The following FHOD3 variants were observed in gnomAD, a reference collection of about 807,000 sequenced individuals.
FHOD3 encodes FH1/FH2 domain-containing protein 3.
A neutral mutation model predicts 173.0 loss-of-function variants in FHOD3; 90 were observed. The ratio of observed to expected loss-of-function variants is 0.52; its 90% CI spans 0.44 to 0.62. FHOD3 has a LOEUF of 0.62. Among genes scored for constraint, FHOD3 ranks in the 20% least tolerant of loss-of-function variants. The pLI is 0.00. For missense variants in FHOD3, 1,945 were observed against 2,034.7 expected (o/e 0.96, Z 0.85); for synonymous variants, 828 against 823.0 (o/e 1.01, Z -0.10).
chr18:36,539,762 A>G (rs982248520), intron 5 of FHOD3, among the ~76,000 whole-genome samples: 3 of 152,218 alleles, frequency 2.0e-5, no homozygotes, highest in Admixed American at 6.5e-5. Context: ...CATTATGAGT[A>G]TGATTTCTAG....
intron 3 of FHOD3, among the ~76,000 whole-genome samples, chr18:36,472,970 C>T (rs553220942): frequency 6.6e-6 from 1 of 152,322 alleles, no homozygotes; most frequent in South Asian, 2.1e-4. Context: ...AATTTTACAA[C>T]AGGTAAGATT....
intron 3 of FHOD3, among the ~76,000 whole-genome samples, chr18:36,433,990 A>G (rs1348331112): frequency 1.3e-5 from 2 of 152,140 alleles, no homozygotes; most frequent in South Asian, 2.1e-4. Flanking sequence ...CCCCTTCTCA[A>G]TCACTCTAGG....
Position 36,506,091 on chromosome 18 carries a change from C to T in FHOD3, c.405+4092C>T, listed in dbSNP as rs370433555. On this transcript the variant is annotated intron_variant, in intron 4 of 28. Transcript: ENST00000590592. ...GATGATGGCAAGATTTTGTTTTCCT[C>T]GACTGTTCTGCTGATCTTCCAGCTG... Among the ~76,000 whole-genome samples, 47 of 152,236 alleles carry T rather than the reference C, an allele frequency of 3.1e-4. No individual in the cohort carries two copies. The East Asian group carries it at 4.3e-3, about 14-fold the overall frequency.
At chr18:36,307,263 G>C (rs1399353165) in intron 1 of FHOD3, among the ~76,000 whole-genome samples, 1 of 152,150 alleles carries the variant, frequency 6.6e-6, no homozygotes, top group Admixed American at 6.5e-5. Context: ...CGCCTGGCCT[G>C]AGCTTTATTT....
chr18:36,408,617 T>C (rs568736487), intron 3 of FHOD3, among the ~76,000 whole-genome samples: 1 of 152,226 alleles, frequency 6.6e-6, no homozygotes, highest in East Asian at 1.9e-4. Context: ...AGTTGGCTCA[T>C]ACCCAGGACA....
intron 14 of FHOD3, among the ~76,000 whole-genome samples, chr18:36,660,612 G>T (rs1320372275): frequency 6.6e-6 from 1 of 152,206 alleles, no homozygotes; most frequent in Admixed American, 6.5e-5. Flanking sequence ...AGGCTTGCAC[G>T]AGTGTATGGA....
chr18:36,386,811 T>C, intron 3 of FHOD3, among the ~76,000 whole-genome samples: 1 of 152,158 alleles, frequency 6.6e-6, no homozygotes, highest in Non-Finnish European at 1.5e-5. Context: ...TCATCAGGAC[T>C]CATAGGGCCT....
chr18:36,524,923 C>A (rs1466690035), intron 5 of FHOD3, among the ~76,000 whole-genome samples: 1 of 152,088 alleles, frequency 6.6e-6, no homozygotes, highest in African/African-American at 2.4e-5. Context: ...GAGAACAATG[C>A]AAACGAAACA....
intron 1 of FHOD3, among the ~76,000 whole-genome samples, chr18:36,340,509 C>G (rs1266482343): frequency 2.0e-5 from 3 of 151,402 alleles, no homozygotes; most frequent in East Asian, 1.9e-4. Flanking sequence ...CACTTGACCT[C>G]TCATCACATT....
intron 1 of FHOD3, among the ~76,000 whole-genome samples, chr18:36,322,933 A>C (rs1414671441): frequency 6.6e-6 from 1 of 152,126 alleles, no homozygotes; most frequent in Admixed American, 6.5e-5. Context: ...CCACCTGCCA[A>C]CCCTCAGGCT....
intron 8 of FHOD3, among the ~76,000 whole-genome samples, chr18:36,604,798 A>T (rs1263808265): frequency 6.6e-6 from 1 of 152,228 alleles, no homozygotes; most frequent in Non-Finnish European, 1.5e-5. Flanking sequence ...TATTTACAAA[A>T]TGAAAATCAC....
intron 16 of FHOD3, among the ~76,000 whole-genome samples, chr18:36,691,170 A>G (rs542427715): frequency 6.6e-6 from 1 of 152,286 alleles, no homozygotes; most frequent in East Asian, 1.9e-4. Context: ...ACAGAGAGGC[A>G]TGCAGAAGGC....
chr18:36,620,169 C>T (rs764628557), intron 9 of FHOD3, among the ~76,000 whole-genome samples: 1 of 152,266 alleles, frequency 6.6e-6, no homozygotes, highest in Admixed American at 6.5e-5. Context: ...CTCCATACTC[C>T]GAGGCCTTCG....
intron 10 of FHOD3, among the ~76,000 whole-genome samples, chr18:36,637,948 G>A (rs1476699804): frequency 6.6e-6 from 1 of 152,148 alleles, no homozygotes; most frequent in African/African-American, 2.4e-5. Context: ...AAGTGCTAAC[G>A]TAGTTGTCAA....
At chr18:36,305,140 T>G (rs1417983658) in intron 1 of FHOD3, among the ~76,000 whole-genome samples, 1 of 152,250 alleles carries the variant, frequency 6.6e-6, no homozygotes, top group Non-Finnish European at 1.5e-5. Context: ...GAAAAAAAAT[T>G]ATCACCAATC....
intron 8 of FHOD3, among the ~76,000 whole-genome samples, chr18:36,610,354 G>A (rs1228588014): frequency 1.3e-5 from 2 of 152,184 alleles, no homozygotes; most frequent in African/African-American, 4.8e-5. Flanking sequence ...TGAATGATGT[G>A]CAATTTTTCA....
intron 8 of FHOD3, among the ~76,000 whole-genome samples, chr18:36,606,597 T>C (rs1396719979): frequency 1.3e-5 from 2 of 152,188 alleles, no homozygotes; most frequent in Non-Finnish European, 2.9e-5. Flanking sequence ...ATATATCCAT[T>C]CCATCCCATT....
chr18:36,355,710 C>A, intron 2 of FHOD3, 65 bp downstream of exon 2: 1 of 1,325,458 alleles, frequency 7.5e-7, no homozygotes, highest in African/African-American at 1.4e-5. Flanking sequence ...TACATTGAGG[C>A]CTTAAAGTAT....
intron 2 of FHOD3, among the ~76,000 whole-genome samples, chr18:36,368,272 C>G (rs557134421): frequency 3.6e-4 from 55 of 152,282 alleles, no homozygotes; most frequent in Non-Finnish European, 6.0e-4. Flanking sequence ...GCTCCATATA[C>G]TTTGTGCATC....
Sources: gnomAD v4.1 joint callset for allele counts (sites outside exome capture counted in the v4.1 genomes callset) on GRCh38, gnomAD v4.1.1 for gene constraint, MANE v1.5 for transcripts, NCBI Gene and HGNC (gene_info 2026-07-23, HGNC 2026-07-21) for gene names.